FERRY3: variants seen among roughly 807,000 people sequenced by gnomAD.
FERRY3 encodes the protein FERRY endosomal RAB5 effector complex subunit 3, also known as protein C12orf4.
the FERRY3 span, chr12:4,534,264 ATTC>A: frequency 5.0e-6 from 8 of 1,611,802 alleles, no homozygotes; most frequent in African/African-American, 1.3e-5. Context: ...TCGCTGAGGG[ATTC>A]TTCTTCTATA....
the FERRY3 span, among the ~76,000 whole-genome samples, chr12:4,515,796 T>C: frequency 5.9e-5 from 9 of 152,192 alleles, no homozygotes; most frequent in African/African-American, 1.9e-4. Context: ...GGACAGATCT[T>C]AAGTGTTCTC....
At chr12:4,536,127 C>T in the FERRY3 span, 8 of 1,605,270 alleles carry the variant, frequency 5.0e-6, no homozygotes, top group Admixed American at 1.0e-4. Context: ...TAAGCACTGA[C>T]TTCCTACTTT....
the FERRY3 span, among the ~76,000 whole-genome samples, chr12:4,525,793 A>G: frequency 1.1e-4 from 17 of 152,352 alleles, no homozygotes; most frequent in African/African-American, 4.1e-4. Flanking sequence ...TAATATCAAC[A>G]TCATTTGTGC....
the FERRY3 span, chr12:4,536,048 C>G: frequency 6.2e-7 from 1 of 1,603,754 alleles, no homozygotes; most frequent in Non-Finnish European, 8.5e-7. Flanking sequence ...AACTGTGCAG[C>G]AGCATCAGAC....
chr12:4,526,364 G>A, the FERRY3 span, among the ~76,000 whole-genome samples: 1 of 152,108 alleles, frequency 6.6e-6, no homozygotes, highest in Non-Finnish European at 1.5e-5. Flanking sequence ...CCTTTTCTGT[G>A]TGTATGTTAT....
the FERRY3 span, chr12:4,519,009 T>A: frequency 1.9e-6 from 1 of 536,250 alleles, no homozygotes. This position sits in a 1 kb window ranked among gnomAD's most constrained non-coding sequence, Gnocchi z 4.3. Flanking sequence ...TCATCCTTAA[T>A]CCATGGTGAC....
chr12:4,495,429 C>G, the FERRY3 span, among the ~76,000 whole-genome samples: 1 of 151,876 alleles, frequency 6.6e-6, no homozygotes, highest in South Asian at 2.1e-4. Flanking sequence ...TCTTATAATC[C>G]AGAATTTACT....
chr12:4,527,999 A>T, the FERRY3 span, among the ~76,000 whole-genome samples: 3 of 152,176 alleles, frequency 2.0e-5, no homozygotes, highest in Admixed American at 2.0e-4. Flanking sequence ...GTAGAACACA[A>T]ATCTTCAGAT....
chr12:4,524,547 C>G, the FERRY3 span, among the ~76,000 whole-genome samples: 1 of 151,068 alleles, frequency 6.6e-6, no homozygotes, highest in African/African-American at 2.4e-5. Context: ...TGACATTATA[C>G]AAATAAAATG....
chr12:4,516,446 A>G, the FERRY3 span, among the ~76,000 whole-genome samples: 2 of 152,244 alleles, frequency 1.3e-5, no homozygotes, highest in Non-Finnish European at 2.9e-5. Context: ...TCACAATAGC[A>G]AAGACGTGGA....
At chr12:4,506,427 T>C in the FERRY3 span, among the ~76,000 whole-genome samples, 1 of 152,204 alleles carries the variant, frequency 6.6e-6, no homozygotes, top group Non-Finnish European at 1.5e-5. Flanking sequence ...TAAATGCACA[T>C]ATTTTATAAA....
the FERRY3 span, chr12:4,536,258 TTA>T: frequency 1.8e-6 from 2 of 1,082,528 alleles, no homozygotes; most frequent in Non-Finnish European, 2.5e-6. Context: ...CATAAAGAAA[TTA>T]TGTTTCATTA....
At chr12:4,533,035 T>C in the FERRY3 span, among the ~76,000 whole-genome samples, 3 of 152,242 alleles carry the variant, frequency 2.0e-5, no homozygotes, top group East Asian at 5.8e-4. Context: ...TCCTTAAATA[T>C]CCAACAATCT....
the FERRY3 span, among the ~76,000 whole-genome samples, chr12:4,530,763 CAG>C: frequency 2.0e-5 from 3 of 151,946 alleles, no homozygotes; most frequent in Admixed American, 6.6e-5. Flanking sequence ...AAAGCAGAAA[CAG>C]GGAGAAACAA....
At chr12:4,516,185 T>C in the FERRY3 span, among the ~76,000 whole-genome samples, 97 of 152,298 alleles carry the variant, frequency 6.4e-4, no homozygotes, top group Non-Finnish European at 1.2e-3. Context: ...GTAGTAATAA[T>C]TACGTCCACT....
chr12:4,510,269 T>C, the FERRY3 span, among the ~76,000 whole-genome samples: 12 of 148,726 alleles, frequency 8.1e-5, no homozygotes, highest in African/African-American at 2.6e-4. Context: ...CTATGTCTGA[T>C]TGGTGTACCT....
chr12:4,503,979 G>C, the FERRY3 span, among the ~76,000 whole-genome samples: 3 of 152,322 alleles, frequency 2.0e-5, no homozygotes, highest in South Asian at 6.2e-4. Flanking sequence ...AAATACAATA[G>C]ATCCTTCACT....
the FERRY3 span, among the ~76,000 whole-genome samples, chr12:4,510,992 C>T: frequency 6.6e-6 from 1 of 151,572 alleles, no homozygotes; most frequent in Non-Finnish European, 1.5e-5. Flanking sequence ...ATTCAGGAAA[C>T]CCATCTCAGG....
chr12:4,529,803 T>C, the FERRY3 span: 1 of 1,301,028 alleles, frequency 7.7e-7, no homozygotes, highest in Non-Finnish European at 1.0e-6. Context: ...AAAAACAAGT[T>C]GTTCTGCAGG....
Sources: allele counts gnomAD v4.1 joint callset (sites outside exome capture counted in the v4.1 genomes callset), GRCh38; gene constraint gnomAD v4.1.1; non-coding constraint Gnocchi (gnomAD v3.1); transcripts MANE v1.5; gene names NCBI Gene and HGNC (gene_info 2026-07-23, HGNC 2026-07-21).